PAX5: variants seen among roughly 807,000 people sequenced by gnomAD.
The protein encoded by PAX5 is paired box protein Pax-5.
Under a neutral mutation model 43.7 loss-of-function variants are expected in PAX5, and 9 were observed. The observed-to-expected ratio is 0.21, with a 90% CI of 0.12 to 0.36. The LOEUF (loss-of-function observed/expected upper bound fraction) is 0.36, where lower values mean the gene tolerates loss of function less well. Among genes scored for constraint, PAX5 ranks in the 10% least tolerant of loss-of-function variants. The probability of loss-of-function intolerance (pLI) is 1.00; values close to 1 mark genes in which losing one functional copy is unlikely to be tolerated. For synonymous variants in PAX5, 228 were observed against 214.3 expected, an observed-to-expected ratio of 1.06 and a Z score of -0.56; for missense variants, 383 against 532.7, an observed-to-expected ratio of 0.72 and a Z score of 2.77.
intron 6 of PAX5, among the ~76,000 whole-genome samples, chr9:36,962,544 G>A (rs1473110984): frequency 6.6e-6 from 1 of 152,218 alleles, no homozygotes; most frequent in Non-Finnish European, 1.5e-5. Flanking sequence ...ACGCTGTGGT[G>A]TGTAGGTGAG....
At chr9:37,007,504 G>T (rs1184288279) in intron 3 of PAX5, 1 of 152,218 alleles carries the variant, frequency 6.6e-6, no homozygotes, top group Non-Finnish European at 1.5e-5. Flanking sequence ...GCATGCGCAA[G>T]ACAGCAAGTC....
At chr9:37,001,750 C>A (rs1837871663) in intron 5 of PAX5, among the ~76,000 whole-genome samples, 1 of 144,418 alleles carries the variant, frequency 6.9e-6, no homozygotes, top group Admixed American at 6.9e-5. Context: ...TGCTGAGGAA[C>A]AGAATAATTG....
chr9:36,888,767 C>T (rs557267441), intron 7 of PAX5, among the ~76,000 whole-genome samples: 3 of 152,328 alleles, frequency 2.0e-5, no homozygotes, highest in African/African-American at 7.2e-5. Flanking sequence ...AGGGAGGAGA[C>T]CTCCAGGCAG....
intron 6 of PAX5, among the ~76,000 whole-genome samples, chr9:36,959,366 G>C (rs1833763133): frequency 6.6e-6 from 1 of 152,210 alleles, no homozygotes; most frequent in South Asian, 2.1e-4. Context: ...CCATTCCACT[G>C]TCAGAAAGCT....
intron 7 of PAX5, among the ~76,000 whole-genome samples, chr9:36,894,078 C>G (rs1408108462): frequency 6.6e-6 from 1 of 152,212 alleles, no homozygotes; most frequent in Non-Finnish European, 1.5e-5. Flanking sequence ...GCCACGCCCC[C>G]ACTCCTGGTT....
intron 8 of PAX5, among the ~76,000 whole-genome samples, chr9:36,860,108 G>A (rs1025383921): frequency 4.6e-5 from 7 of 151,958 alleles, no homozygotes; most frequent in Non-Finnish European, 1.0e-4. Context: ...GGAGGCTGAG[G>A]CGGGTAGATC....
Position 36,840,226 on chromosome 9 carries a change from G to T in PAX5, c.*334C>A. ...AAGCTCTCCTTCCCAGGCTGGGGTGGTTATGATGGATGGATAGTCAGACAG... is the reference window on the plus strand; with the variant it reads ...AAGCTCTCCTTCCCAGGCTGGGGTGTTTATGATGGATGGATAGTCAGACAG... On this transcript the variant is annotated 3_prime_UTR_variant, in exon 10 of 10. Transcript: ENST00000358127. The T allele has an allele frequency of 2.0e-6, 1 of 495,098 alleles. No individual in the cohort carries two copies. Among genetic ancestry groups the T allele is most frequent in the South Asian group, 2.4e-5 (1 of 42,038 alleles). The allele number at this position is 495,098 out of a possible 1,614,324, so 30.7% of individuals were successfully genotyped here. A position where few individuals can be genotyped will look rare whatever the true frequency, so the allele number is the denominator to read the frequency against.
rs1838033505 is a variant in PAX5, at chr9:37,002,938, G to C, written c.476-162C>G. ...GCGGAGGCGGCCACACCTGAGCCACGAGCGCAGGCCTCGGGCGGGCCGTGT... is the reference window on the plus strand; with the variant it reads ...GCGGAGGCGGCCACACCTGAGCCACCAGCGCAGGCCTCGGGCGGGCCGTGT... On this transcript the variant is annotated intron_variant, in intron 4 of 9. Coordinates refer to ENST00000358127, the MANE Select transcript of PAX5 (RefSeq NM_016734.3). 3.9e-6 allele frequency: 3 copies of C among 778,584 alleles called. No homozygotes were observed. The South Asian group carries it at 5.8e-5, about 15-fold the overall frequency. The allele number at this position is 778,584 out of a possible 1,614,324, so 48.2% of individuals were successfully genotyped here.
At chr9:36,892,743 A>G (rs950863448) in intron 7 of PAX5, among the ~76,000 whole-genome samples, 4 of 152,216 alleles carry the variant, frequency 2.6e-5, no homozygotes, top group Non-Finnish European at 5.9e-5. Context: ...GGATAAATAA[A>G]TTATGATACT....
chr9:37,027,752 C>A lies in PAX5; in HGVS notation c.46+6234G>T, dbSNP rs181327718. Among the ~76,000 whole-genome samples the A allele has an allele frequency of 1.2e-3, 181 of 152,350 alleles. 2 individuals are homozygous for A. The East Asian group carries it at 0.031, about 26-fold the overall frequency. ...CCTCCGGGCGGGGGCGGGGCGGGGG[C>A]TAACCTGCCAATCACGCTCCACCAA... is the stretch of plus-strand genomic sequence containing the variant. On this transcript the variant is annotated intron_variant, in intron 1 of 9. Coordinates refer to ENST00000358127, the MANE Select transcript of PAX5 (RefSeq NM_016734.3).
intron 8 of PAX5, among the ~76,000 whole-genome samples, chr9:36,872,063 G>A (rs1045196584): frequency 3.3e-5 from 5 of 152,220 alleles, no homozygotes; most frequent in African/African-American, 1.2e-4. Flanking sequence ...CTCACCCTAA[G>A]ATTGCAGATT....
At chr9:37,025,994 C>T (rs1419497542) in intron 1 of PAX5, among the ~76,000 whole-genome samples, 1 of 152,130 alleles carries the variant, frequency 6.6e-6, no homozygotes, top group Non-Finnish European at 1.5e-5. Flanking sequence ...TTTCAAAGCC[C>T]CCTCCTCAAC....
At chr9:36,922,459 G>C (rs2131963686) in intron 7 of PAX5, among the ~76,000 whole-genome samples, 1 of 152,296 alleles carries the variant, frequency 6.6e-6, no homozygotes, top group South Asian at 2.1e-4. Flanking sequence ...TGGCAGCTGA[G>C]TCTGTCCACA....
intron 5 of PAX5, among the ~76,000 whole-genome samples, chr9:36,972,235 A>G (rs1834975135): frequency 6.6e-6 from 1 of 152,184 alleles, no homozygotes; most frequent in South Asian, 2.1e-4. Context: ...GCCCTTATAC[A>G]GCTTCCTTCA....
At chr9:36,982,282 AAAAT>A (rs1407004348) in intron 5 of PAX5, among the ~76,000 whole-genome samples, 6 of 152,136 alleles carry the variant, frequency 3.9e-5, no homozygotes, top group African/African-American at 4.8e-5. Context: ...TAAAAAAATA[AAAAT>A]AAATAAATAA....
intron 5 of PAX5, among the ~76,000 whole-genome samples, chr9:36,979,161 C>T (rs529394276): frequency 1.3e-5 from 2 of 152,266 alleles, no homozygotes; most frequent in East Asian, 1.9e-4. Flanking sequence ...CGGACTGGCT[C>T]GACTCCTCTT....
chr9:36,967,817 T>C (rs774816828), intron 5 of PAX5, among the ~76,000 whole-genome samples: 1 of 152,232 alleles, frequency 6.6e-6, no homozygotes, highest in African/African-American at 2.4e-5. Context: ...TATTACAAAA[T>C]GTAAATTAAC....
chr9:36,980,620 G>A (rs1271881751), intron 5 of PAX5, among the ~76,000 whole-genome samples: 2 of 152,156 alleles, frequency 1.3e-5, no homozygotes, highest in African/African-American at 4.8e-5. Flanking sequence ...GTTGGGGGAG[G>A]AGGGTCATAC....
Position 36,839,595 on chromosome 9 carries a change from C to T in PAX5, c.*965G>A, listed in dbSNP as rs914466629. ...TGTCCATGGCAGGTGTCCGAAGTGACCTGAACCTGGGCATGCCTCAGAAAA... is the reference window on the plus strand; with the variant it reads ...TGTCCATGGCAGGTGTCCGAAGTGATCTGAACCTGGGCATGCCTCAGAAAA... On this transcript the variant is annotated 3_prime_UTR_variant, in exon 10 of 10. Coordinates refer to ENST00000358127, the MANE Select transcript of PAX5 (RefSeq NM_016734.3). 2 of 233,206 alleles carry T rather than the reference C, an allele frequency of 8.6e-6. No individual in the cohort carries two copies. Among genetic ancestry groups the T allele is most frequent in the African/African-American group, 2.2e-5 (1 of 45,332 alleles). 14.4% of individuals were successfully genotyped at this position (233,206 alleles called of 1,614,324 possible). A position where few individuals can be genotyped will look rare whatever the true frequency, so the allele number is the denominator to read the frequency against.
Sources: gnomAD v4.1 joint callset for allele counts (sites outside exome capture counted in the v4.1 genomes callset) on GRCh38, gnomAD v4.1.1 for gene constraint, MANE v1.5 for transcripts, NCBI Gene and HGNC (gene_info 2026-07-23, HGNC 2026-07-21) for gene names.